TAAR5: variants seen among roughly 807,000 people sequenced by gnomAD.
TAAR5 encodes trace amine associated receptor 5, also known as trace amine-associated receptor 5.
In TAAR5, 27 loss-of-function variants were observed where a neutral mutation model predicts 21.1. The ratio of observed to expected loss-of-function variants is 1.28; its 90% CI spans 0.94 to 1.76. The LOEUF is 1.76. Ranked by LOEUF, TAAR5 falls within the 40% of genes most tolerant of loss-of-function variation. TAAR5 has a pLI of 0.00. For missense variants in TAAR5, 495 were observed against 405.6 expected, an observed-to-expected ratio of 1.22 and a Z score of -1.89; for synonymous variants, 203 against 167.5, an observed-to-expected ratio of 1.21 and a Z score of -1.64.
upstream of TAAR5, among the ~76,000 whole-genome samples, chr6:132,591,235 T>C (rs987940883): frequency 3.3e-5 from 5 of 152,242 alleles, no homozygotes; most frequent in Non-Finnish European, 7.3e-5. Flanking sequence ...TGTTGAATCG[T>C]ATTCTGCTCT....
At chr6:132,593,821 C>G (rs1776939510), upstream of TAAR5, among the ~76,000 whole-genome samples, 1 of 152,120 alleles carries the variant, frequency 6.6e-6, no homozygotes, top group Non-Finnish European at 1.5e-5. Flanking sequence ...TCAAATATTG[C>G]AAATCTCACA....
chr6:132,609,000 C>T, the TAAR5 span: 8 of 455,840 alleles, frequency 1.8e-5, no homozygotes, highest in African/African-American at 4.0e-5. Context: ...AGCAACTCTC[C>T]ACTGATCGCA....
rs1381494068 is a variant in TAAR5, at chr6:132,589,309, A to G, written c.378T>C (p.Cys126=). 6.2e-7 allele frequency: 1 copy of G among 1,613,534 alleles called. No homozygotes were observed. The change falls in exon 1 of 1, where the codon TGT becomes TGC. Residue 126 remains cysteine, a synonymous_variant. Transcript: ENST00000258034. ...LFCLTSIFHL[C]FISIDRHCAI... Reference sequence around the variant, plus strand: ...CACAGTGGCGGTCAATGGAAATGAAACAGAGATGGAAGATGGAGGTGAGGC... The same window carrying G: ...CACAGTGGCGGTCAATGGAAATGAAGCAGAGATGGAAGATGGAGGTGAGGC...
chr6:132,612,354 G>A, the TAAR5 span, among the ~76,000 whole-genome samples: 1 of 152,130 alleles, frequency 6.6e-6, no homozygotes, highest in East Asian at 1.9e-4. Context: ...TTCAATGAAA[G>A]CAACTAATTC....
chr6:132,589,407 G>A lies in TAAR5; in HGVS notation c.280C>T (p.Arg94Cys), dbSNP rs141179809. The change falls in exon 1 of 1, where the codon CGC becomes TGC. Residue 94 changes from arginine (R) to cysteine (C), a missense_variant. Physicochemically the swap from Arg to Cys is radical, Grantham distance 180. Transcript: ENST00000258034. The part of the protein sequence containing the change: ...GLLVLPLSTI[R>C]SVESCWFFGD... ...AAGAACCAGCAGCTCTCCACTGAGC[G>A]AATGGTGCTGAGGGGCAGCACCAGC... is the stretch of plus-strand genomic sequence containing the variant. The A allele has an allele frequency of 2.5e-6, 4 of 1,614,086 alleles. No individual in the cohort carries two copies. The highest frequency in any genetic ancestry group is 2.2e-5 in the South Asian group (2 of 91,076).
At chr6:132,602,895 G>A in the TAAR5 span, among the ~76,000 whole-genome samples, 1 of 151,578 alleles carries the variant, frequency 6.6e-6, no homozygotes, top group Non-Finnish European at 1.5e-5. Flanking sequence ...GCAGCAGGTT[G>A]TGCATGAACT....
Position 132,589,714 on chromosome 6 carries a change from A to AG in TAAR5, c.-29dup. On this transcript the variant is annotated 5_prime_UTR_variant, in exon 1 of 1. Coordinates refer to ENST00000258034, the MANE Select transcript of TAAR5 (RefSeq NM_003967.3). ...ATGATTTCTACTCTTCCTCTGTCTG[A>AG]GAACTGGCCACCTTCTCCACTGGAG... 1.5e-6 allele frequency: 1 copy of AG among 660,402 alleles called. No homozygotes were observed. The highest frequency in any genetic ancestry group is 2.1e-6 in the Non-Finnish European group (1 of 478,936). The allele number at this position is 660,402 out of a possible 1,614,324, so 40.9% of individuals were successfully genotyped here.
rs770530202 is a variant in TAAR5 at position 132,589,328 on chromosome 6, G to C, written c.359C>G (p.Thr120Ser). 3 of 1,613,838 alleles carry C rather than the reference G, an allele frequency of 1.9e-6. No homozygotes were observed. Among genetic ancestry groups the C allele is most frequent in the African/African-American group, 2.7e-5 (2 of 74,912 alleles). Residue 120 changes from threonine (T) to serine (S), a missense_variant, in exon 1 of 1, where the codon ACC becomes AGC. Transcript: ENST00000258034. ...HTYLDTLFCL[T>S]SIFHLCFISI... ...AATGAAACAGAGATGGAAGATGGAG[G>C]TGAGGCAGAAGAGGGTGTCCAGGTA...
chr6:132,609,871 T>C, the TAAR5 span, among the ~76,000 whole-genome samples: 1 of 152,232 alleles, frequency 6.6e-6, no homozygotes, highest in East Asian at 1.9e-4. Context: ...TTGAAAGCCA[T>C]GTACCTATGG....
At chr6:132,601,404 G>T in the TAAR5 span, among the ~76,000 whole-genome samples, 9 of 152,170 alleles carry the variant, frequency 5.9e-5, no homozygotes, top group African/African-American at 1.7e-4. Context: ...ATAGCTAGAG[G>T]ACAGGGTTTA....
At chr6:132,591,718 A>G (rs1776910300), upstream of TAAR5, among the ~76,000 whole-genome samples, 1 of 152,206 alleles carries the variant, frequency 6.6e-6, no homozygotes, top group South Asian at 2.1e-4. Flanking sequence ...AATGTCCTGT[A>G]GCTGGAATAA....
In TAAR5 at chr6:132,589,120, C is replaced by T. The variant is rs1346831932; in HGVS notation, c.567G>A (p.Val189=). The T allele has an allele frequency of 6.2e-7, 1 of 1,613,068 alleles. No individual in the cohort carries two copies. The highest frequency in any genetic ancestry group is 1.7e-5 in the Admixed American group (1 of 59,960). ...LSQWLEEMPC[V]GSCQLLLNKF... ...TATTGAGCAGCAGCTGGCAACTGCC[C>T]ACACAAGGCATCTCTTCCAGCCACT... The change falls in exon 1 of 1, where the codon GTG becomes GTA. Residue 189 remains valine, a synonymous_variant. Coordinates refer to ENST00000258034, the MANE Select transcript of TAAR5 (RefSeq NM_003967.3).
At chr6:132,599,128 T>C in the TAAR5 span, among the ~76,000 whole-genome samples, 1 of 152,098 alleles carries the variant, frequency 6.6e-6, no homozygotes, top group African/African-American at 2.4e-5. Context: ...TTCAACACAA[T>C]TGGATGAAAA....
chr6:132,599,609 A>G, the TAAR5 span, among the ~76,000 whole-genome samples: 1 of 152,134 alleles, frequency 6.6e-6, no homozygotes, highest in Non-Finnish European at 1.5e-5. Context: ...GATTACAGGC[A>G]TGAGCCACCG....
Position 132,589,721 on chromosome 6 carries a change from GCCACCTTCT to G in TAAR5, c.-44_-36del. ...CTACTCTTCCTCTGTCTGAGAACTG[GCCACCTTCT>G]CCACTGGAGGGCAAAAAAAAAAAAA... On this transcript the variant is annotated 5_prime_UTR_variant, in exon 1 of 1. Transcript: ENST00000258034. 1.5e-6 allele frequency: 1 copy of G among 684,826 alleles called. No homozygotes were observed. The highest frequency in any genetic ancestry group is 2.0e-6 in the Non-Finnish European group (1 of 511,588). 42.4% of individuals were successfully genotyped at this position (684,826 alleles called of 1,614,324 possible).
the TAAR5 span, among the ~76,000 whole-genome samples, chr6:132,596,610 T>C: frequency 6.6e-6 from 1 of 152,228 alleles, no homozygotes; most frequent in Non-Finnish European, 1.5e-5. Flanking sequence ...CATTATGACA[T>C]GTTTTATTTG....
the TAAR5 span, among the ~76,000 whole-genome samples, chr6:132,614,448 C>T: frequency 2.0e-4 from 30 of 152,208 alleles, no homozygotes; most frequent in East Asian, 4.6e-3. Flanking sequence ...CAATTGCAAC[C>T]CATTTCAACA....
chr6:132,591,612 C>T (rs576872498), upstream of TAAR5, among the ~76,000 whole-genome samples: 1 of 152,228 alleles, frequency 6.6e-6, no homozygotes, highest in Admixed American at 6.5e-5. Context: ...ACCTTGAAAC[C>T]CCTTTAGCTT....
At chr6:132,606,744 G>A in the TAAR5 span, among the ~76,000 whole-genome samples, 514 of 152,286 alleles carry the variant, frequency 3.4e-3, 3 homozygotes, top group African/African-American at 0.012. Flanking sequence ...CCTTCGAGAC[G>A]GAAGTTGAGC....
Sources: gnomAD v4.1 joint callset for allele counts (sites outside exome capture counted in the v4.1 genomes callset) on GRCh38, gnomAD v4.1.1 for gene constraint, MANE v1.5 for transcripts, NCBI Gene and HGNC (gene_info 2026-07-23, HGNC 2026-07-21) for gene names.